SH3PXD2A: variants seen among roughly 807,000 people sequenced by gnomAD.
SH3PXD2A encodes SH3 and PX domain-containing protein 2A.
SH3PXD2A carries 32 observed loss-of-function variants against 115.2 expected under a neutral mutation model. That is an observed-to-expected ratio of 0.28 (90% CI 0.21 to 0.37). The LOEUF (loss-of-function observed/expected upper bound fraction) is 0.37. SH3PXD2A is among the 10% of genes least tolerant of loss of function. The pLI is 1.00. For missense variants in SH3PXD2A, 1,328 were observed against 1,498.7 expected, an observed-to-expected ratio of 0.89 and a Z score of 1.88; for synonymous variants, 610 against 629.1, an observed-to-expected ratio of 0.97 and a Z score of 0.45.
chr10:103,652,932 G>A (rs1161320469), intron 8 of SH3PXD2A, among the ~76,000 whole-genome samples: 1 of 152,146 alleles, frequency 6.6e-6, no homozygotes, highest in African/African-American at 2.4e-5. Context: ...CCCGGCACCC[G>A]TCTCTGCCCT....
chr10:103,704,250 G>A (rs568108486), intron 5 of SH3PXD2A, among the ~76,000 whole-genome samples: 2 of 152,212 alleles, frequency 1.3e-5, no homozygotes, highest in Non-Finnish European at 1.5e-5. Flanking sequence ...AAGGAGCCAG[G>A]AAGGTGGGGG....
chr10:103,669,060 C>T (rs1010360122), intron 6 of SH3PXD2A, among the ~76,000 whole-genome samples: 5 of 152,200 alleles, frequency 3.3e-5, no homozygotes, highest in East Asian at 1.9e-4. Flanking sequence ...CAAAGGCCAG[C>T]GGGCTCAGTG....
At chr10:103,762,454 A>G (rs1188859529) in intron 3 of SH3PXD2A, among the ~76,000 whole-genome samples, 1 of 152,232 alleles carries the variant, frequency 6.6e-6, no homozygotes. Context: ...TCAGTCTCAC[A>G]TAATACGGGG....
chr10:103,660,938 G>A (rs1480368399), intron 8 of SH3PXD2A, 45 bp downstream of exon 8: 7 of 1,607,368 alleles, frequency 4.4e-6, no homozygotes, highest in Admixed American at 3.3e-5. Context: ...CGGCCCGGGG[G>A]CCAGACCGGA....
intron 5 of SH3PXD2A, among the ~76,000 whole-genome samples, chr10:103,694,900 T>G (rs544472572): frequency 7.9e-5 from 12 of 152,208 alleles, no homozygotes; most frequent in Non-Finnish European, 1.6e-4. Flanking sequence ...AACAAAGGCA[T>G]GCTTGCCCCC....
chr10:103,728,943 A>G (rs2038280495), intron 4 of SH3PXD2A, among the ~76,000 whole-genome samples: 1 of 146,082 alleles, frequency 6.8e-6, no homozygotes, highest in Admixed American at 6.9e-5. Flanking sequence ...CCCAGGCTAG[A>G]GTGCAATGGC....
At chr10:103,721,281 G>T (rs764401182) in intron 5 of SH3PXD2A, among the ~76,000 whole-genome samples, 2 of 152,160 alleles carry the variant, frequency 1.3e-5, no homozygotes, top group Non-Finnish European at 2.9e-5. Context: ...TCATTTTAGG[G>T]GAACAGAAAT....
chr10:103,618,652 G>A (rs765852833), intron 10 of SH3PXD2A, among the ~76,000 whole-genome samples: 3 of 152,232 alleles, frequency 2.0e-5, no homozygotes, highest in Non-Finnish European at 1.5e-5. Flanking sequence ...ACTGCATCAC[G>A]ACCAGGCAAG....
At chr10:103,850,542 C>A (rs114769521) in intron 1 of SH3PXD2A, among the ~76,000 whole-genome samples, 2,880 of 152,232 alleles carry the variant, frequency 0.019, 72 homozygotes, top group African/African-American at 0.066. Flanking sequence ...GGGCTAGGAT[C>A]CTATTTGACC....
At chr10:103,734,903 T>C (rs958042424) in intron 4 of SH3PXD2A, among the ~76,000 whole-genome samples, 1 of 152,246 alleles carries the variant, frequency 6.6e-6, no homozygotes. Context: ...TGCCTTACAA[T>C]GTGCCAGCTC....
intron 8 of SH3PXD2A, among the ~76,000 whole-genome samples, chr10:103,639,542 G>A (rs1394157318): frequency 2.6e-5 from 4 of 151,152 alleles, no homozygotes; most frequent in Admixed American, 2.0e-4. Flanking sequence ...CCTGGGAAGC[G>A]GAGGTTGCAG....
intron 3 of SH3PXD2A, among the ~76,000 whole-genome samples, chr10:103,765,761 C>T (rs542279431): frequency 6.6e-5 from 10 of 152,322 alleles, no homozygotes; most frequent in South Asian, 4.1e-4. Context: ...CAGACTGTAC[C>T]GGAGCACCAT....
At chr10:103,641,202 T>C (rs892164483) in intron 8 of SH3PXD2A, among the ~76,000 whole-genome samples, 1 of 152,226 alleles carries the variant, frequency 6.6e-6, no homozygotes, top group Non-Finnish European at 1.5e-5. Flanking sequence ...TAAAATTTAC[T>C]GTTCAAACTT....
chr10:103,813,771 G>A (rs1221508520), intron 1 of SH3PXD2A, among the ~76,000 whole-genome samples: 1 of 152,192 alleles, frequency 6.6e-6, no homozygotes, highest in Non-Finnish European at 1.5e-5. Context: ...TTGTGGGGCT[G>A]TAGGGAATTT....
chr10:103,741,610 G>A (rs1401273761), intron 3 of SH3PXD2A, among the ~76,000 whole-genome samples: 1 of 152,186 alleles, frequency 6.6e-6, no homozygotes, highest in African/African-American at 2.4e-5. Flanking sequence ...GGATACAGAT[G>A]CTCACAAACC....
intron 2 of SH3PXD2A, among the ~76,000 whole-genome samples, chr10:103,795,897 G>A (rs371984194): frequency 1.3e-3 from 174 of 131,614 alleles, no homozygotes; most frequent in African/African-American, 4.7e-3. Flanking sequence ...AGAGAGGGAG[G>A]GAGGAAAAGG....
In SH3PXD2A at chr10:103,855,418, C is replaced by CCGGCCCAGGGACGGGGGAGGGTCCCGG. The variant is rs1842931845; in HGVS notation, c.-179_-153dup. 2.2e-6 allele frequency: 1 copy of CCGGCCCAGGGACGGGGGAGGGTCCCGG among 448,768 alleles called. No homozygotes were observed. The highest frequency in any genetic ancestry group is 2.1e-5 in the African/African-American group (1 of 47,162). 27.8% of individuals were successfully genotyped at this position (448,768 alleles called of 1,614,324 possible). A position where few individuals can be genotyped will look rare whatever the true frequency, so the allele number is the denominator to read the frequency against. The stretch of plus-strand genomic sequence containing the variant: ...GCCCGGACTCCCGGCGCCCACAGGT[C>CCGGCCCAGGGACGGGGGAGGGTCCCGG]CGGCCCAGGGACGGGGGAGGGTCCC... On this transcript the variant is annotated 5_prime_UTR_variant, in exon 1 of 15. Transcript: ENST00000369774.
intron 3 of SH3PXD2A, among the ~76,000 whole-genome samples, chr10:103,743,903 C>G (rs748483545): frequency 1.3e-5 from 2 of 152,232 alleles, no homozygotes; most frequent in Non-Finnish European, 2.9e-5. Context: ...TGAGCAGGCA[C>G]CGGCTTCTCA....
intron 10 of SH3PXD2A, 31 bp downstream of exon 10, chr10:103,622,439 C>A: frequency 6.9e-7 from 1 of 1,444,990 alleles, no homozygotes. Flanking sequence ...GCGGTCGCTG[C>A]GAGGGAGGAG....
Sources: gnomAD v4.1 joint callset for allele counts (sites outside exome capture counted in the v4.1 genomes callset) on GRCh38, gnomAD v4.1.1 for gene constraint, MANE v1.5 for transcripts, NCBI Gene and HGNC (gene_info 2026-07-23, HGNC 2026-07-21) for gene names.